TBC1D5: variants seen among roughly 807,000 people sequenced by gnomAD.
TBC1D5 encodes TBC1 domain family member 5.
Under a neutral mutation model 100.3 loss-of-function variants are expected in TBC1D5, and 75 were observed. The observed-to-expected ratio is 0.75, with a 90% CI of 0.62 to 0.91. The LOEUF (loss-of-function observed/expected upper bound fraction) is 0.91, where lower values mean the gene tolerates loss of function less well. TBC1D5 is among the 40% of genes least tolerant of loss of function. The pLI is 0.00. For missense variants in TBC1D5, 910 were observed against 942.4 expected (o/e 0.97, Z 0.45); for synonymous variants, 323 against 325.6 (o/e 0.99, Z 0.09).
intron 1 of TBC1D5, among the ~76,000 whole-genome samples, chr3:17,644,906 T>G (rs2064873853): frequency 6.6e-6 from 1 of 152,042 alleles, no homozygotes; most frequent in South Asian, 2.1e-4. Flanking sequence ...ACTTCATTTT[T>G]GGGTGAAAAT....
intron 17 of TBC1D5, among the ~76,000 whole-genome samples, chr3:17,221,153 G>C (rs372158647): frequency 6.6e-6 from 1 of 152,004 alleles, no homozygotes; most frequent in Non-Finnish European, 1.5e-5. Context: ...TTAATTCCCA[G>C]AGTCTATGAA....
intron 13 of TBC1D5, among the ~76,000 whole-genome samples, chr3:17,352,047 A>G (rs2090661030): frequency 6.6e-6 from 1 of 151,718 alleles, no homozygotes. Flanking sequence ...TAAGACATAC[A>G]GAGAAGCAGC....
At position 17,373,973 on chromosome 3, in the gene TBC1D5, T is replaced by G. The variant is rs568662782; in HGVS notation, c.822+498A>C. On this transcript the variant is annotated intron_variant, in intron 12 of 21. Coordinates refer to ENST00000253692, the Ensembl canonical transcript of TBC1D5. ...ACCCTATAAATATACTAAAAACCATTAAAAGTTTAATAGGTACAAGTTATG... is the reference window on the plus strand; with the variant it reads ...ACCCTATAAATATACTAAAAACCATGAAAAGTTTAATAGGTACAAGTTATG... 7.9e-5 allele frequency among the ~76,000 whole-genome samples: 12 copies of G among 152,258 alleles called. No homozygotes were observed. In the East Asian group the frequency reaches 2.3e-3, roughly 29 times the overall value.
At chr3:17,671,719 G>T (rs1291128157) in intron 1 of TBC1D5, among the ~76,000 whole-genome samples, 2 of 152,144 alleles carry the variant, frequency 1.3e-5, no homozygotes, top group African/African-American at 4.8e-5. Flanking sequence ...TAAAAGGTAT[G>T]TCTATTAATT....
At chr3:17,404,928 G>T in exon 6 of TBC1D5, 1 of 1,600,066 alleles carries the variant, frequency 6.2e-7, no homozygotes, top group South Asian at 1.1e-5. Context: ...CTTATCCATT[G>T]ACTTTTGTCT....
chr3:17,495,542 C>G (rs2095695434), intron 3 of TBC1D5, among the ~76,000 whole-genome samples: 1 of 152,182 alleles, frequency 6.6e-6, no homozygotes. Flanking sequence ...TGGTTGACAG[C>G]ACATCACCTT....
intron 19 of TBC1D5, among the ~76,000 whole-genome samples, chr3:17,170,236 G>T (rs778182764): frequency 5.3e-5 from 8 of 152,210 alleles, no homozygotes; most frequent in Non-Finnish European, 1.2e-4. Context: ...AATGGATTTT[G>T]CCTCTGCTGA....
rs182496832 is a variant in TBC1D5, at chr3:17,546,799, G to T, written c.-35-38194C>A. On this transcript the variant is annotated intron_variant, in intron 2 of 21. Coordinates refer to ENST00000253692, the Ensembl canonical transcript of TBC1D5. ...ACTCCATCTCAAAAAAAAAAAAAAA[G>T]AAAGAAAGAAAGAAAGAAATCCAAC... Among the ~76,000 whole-genome samples the T allele has an allele frequency of 1.2e-3, 185 of 148,500 alleles. No homozygotes were observed. In the Middle Eastern group the frequency reaches 0.014, roughly 11 times the overall value.
intron 4 of TBC1D5, among the ~76,000 whole-genome samples, chr3:17,426,632 TA>T (rs1188342854): frequency 1.3e-5 from 2 of 152,070 alleles, no homozygotes; most frequent in Non-Finnish European, 2.9e-5. Flanking sequence ...GTTAACAACG[TA>T]AGTATTTATT....
intron 16 of TBC1D5, among the ~76,000 whole-genome samples, chr3:17,256,713 C>G (rs1436310066): frequency 6.6e-6 from 1 of 152,056 alleles, no homozygotes; most frequent in African/African-American, 2.4e-5. Flanking sequence ...AAAAGCCTGC[C>G]CTCAGGGGCT....
chr3:17,276,979 G>C (rs1479180076), intron 15 of TBC1D5, among the ~76,000 whole-genome samples: 1 of 152,204 alleles, frequency 6.6e-6, no homozygotes, highest in East Asian at 1.9e-4. Context: ...GCAGAAGCCT[G>C]AAGAACTGTG....
rs2084338636 is a variant in TBC1D5, at chr3:17,313,837, C to T, written c.996-5703G>A. On this transcript the variant is annotated intron_variant, in intron 13 of 21. Transcript: ENST00000253692. ...ATAGAATTCCTGTTATTCAAAGGGA[C>T]ATGGCCAAAATCCACAGATGGGTAC... 1.3e-5 allele frequency among the ~76,000 whole-genome samples: 2 copies of T among 152,202 alleles called. 1 individual carries two copies. The highest frequency in any genetic ancestry group is 1.3e-4 in the Admixed American group (2 of 15,272).
chr3:17,228,970 G>T (rs917268509), intron 17 of TBC1D5, among the ~76,000 whole-genome samples: 1 of 152,038 alleles, frequency 6.6e-6, no homozygotes, highest in South Asian at 2.1e-4. Flanking sequence ...CATGTCCCAT[G>T]AATAATATTT....
chr3:17,222,026 G>A (rs78394842), intron 17 of TBC1D5, among the ~76,000 whole-genome samples: 149 of 151,914 alleles, frequency 9.8e-4, no homozygotes, highest in African/African-American at 3.4e-3. Context: ...ATTCTTGATC[G>A]GACTTACTGA....
intron 3 of TBC1D5, among the ~76,000 whole-genome samples, chr3:17,450,043 G>A (rs1427374072): frequency 2.0e-5 from 3 of 152,128 alleles, no homozygotes; most frequent in East Asian, 1.9e-4. Flanking sequence ...GGGGCAGGCC[G>A]CAATCTTTGC....
intron 13 of TBC1D5, among the ~76,000 whole-genome samples, chr3:17,310,499 C>G (rs528418554): frequency 4.6e-5 from 7 of 150,612 alleles, no homozygotes; most frequent in South Asian, 4.2e-4. Flanking sequence ...AAGACAGAAA[C>G]AGAGAGAGAG....
intron 1 of TBC1D5, among the ~76,000 whole-genome samples, chr3:17,699,517 C>A (rs2072791719): frequency 8.0e-6 from 1 of 125,102 alleles, no homozygotes; most frequent in African/African-American, 2.8e-5. Flanking sequence ...ACATTGTGCA[C>A]ATGTACCCTA....
At chr3:17,249,359 C>A (rs954222559) in intron 16 of TBC1D5, among the ~76,000 whole-genome samples, 2 of 152,222 alleles carry the variant, frequency 1.3e-5, no homozygotes, top group Non-Finnish European at 2.9e-5. Context: ...ATGTGTAACT[C>A]TTCCTTTCAC....
chr3:17,510,972 A>G (rs1232838778), intron 2 of TBC1D5, among the ~76,000 whole-genome samples: 1 of 152,016 alleles, frequency 6.6e-6, no homozygotes, highest in Non-Finnish European at 1.5e-5. Flanking sequence ...TAGAGCTCAC[A>G]TTCTTTCTCC....
Sources: gnomAD v4.1 joint callset for allele counts (sites outside exome capture counted in the v4.1 genomes callset) on GRCh38, gnomAD v4.1.1 for gene constraint, MANE v1.5 for transcripts, NCBI Gene and HGNC (gene_info 2026-07-23, HGNC 2026-07-21) for gene names.